The following FAM171A2 variants were observed in gnomAD, a reference collection of about 807,000 sequenced individuals.
FAM171A2 encodes the protein protein FAM171A2.
FAM171A2 carries 13 observed loss-of-function variants against 34.2 expected under a neutral mutation model. The observed-to-expected ratio is 0.38, with a 90% confidence interval of 0.25 to 0.60. FAM171A2 has a LOEUF of 0.60. Among genes scored for constraint, FAM171A2 ranks in the 20% least tolerant of loss-of-function variants. The pLI, the probability that FAM171A2 is intolerant of heterozygous loss-of-function variation, is 0.62. For missense variants in FAM171A2, 950 were observed against 1,180.7 expected, an observed-to-expected ratio of 0.80 and a Z score of 2.86; for synonymous variants, 475 against 561.2, an observed-to-expected ratio of 0.85 and a Z score of 2.17.
chr17:44,361,348 G>T (rs896242889), intron 1 of FAM171A2, among the ~76,000 whole-genome samples: 3 of 152,212 alleles, frequency 2.0e-5, no homozygotes, highest in African/African-American at 4.8e-5. Context: ...CTCAGTGGGG[G>T]GCCCAGGAGA....
In FAM171A2 at chr17:44,359,613, A is replaced by G. The variant is rs530483235; in HGVS notation, c.405T>C (p.Tyr135=). 9.7e-6 allele frequency: 15 copies of G among 1,551,206 alleles called. 1 individual carries two copies. The South Asian group carries it at 1.4e-4, about 15-fold the overall frequency. Reference sequence around the variant, plus strand: ...CTAGGAGAATGTGCACCAGGTCCTCATAGAGGATGAGCGTGGCCGGCCGCT... The same window carrying G: ...CTAGGAGAATGTGCACCAGGTCCTCGTAGAGGATGAGCGTGGCCGGCCGCT... ...LPERPATLIL[Y]EDLVHILLGS... The change falls in exon 3 of 8, where the codon TAT becomes TAC. Residue 135 remains tyrosine (Y), a synonymous_variant. Coordinates refer to ENST00000293443, the MANE Select transcript of FAM171A2 (RefSeq NM_198475.3).
chr17:44,356,769 G>A (rs1423077816), intron 3 of FAM171A2, among the ~76,000 whole-genome samples, 181 bp from the exon 4 acceptor site: 1 of 152,216 alleles, frequency 6.6e-6, no homozygotes, highest in Admixed American at 6.5e-5. Context: ...GAAGGGACAT[G>A]GACCTGAAAT....
intron 3 of FAM171A2, chr17:44,359,032 T>G: frequency 6.5e-6 from 1 of 154,760 alleles, no homozygotes; most frequent in Non-Finnish European, 1.4e-5. Context: ...CTGGAACTAT[T>G]TCAGGGCTTG....
Position 44,354,276 on chromosome 17 carries a change from G to A in FAM171A2, c.1938C>T (p.Gly646=). The A allele has an allele frequency of 2.8e-6, 4 of 1,452,108 alleles. No homozygotes were observed. Among genetic ancestry groups the A allele is most frequent in the Admixed American group, 2.6e-5 (1 of 37,744 alleles). 90.0% of individuals were successfully genotyped at this position (1,452,108 alleles called of 1,614,324 possible). A position where few individuals can be genotyped will look rare whatever the true frequency, so the allele number is the denominator to read the frequency against. Residue 646 remains glycine (G), a synonymous_variant, in exon 8 of 8, where the codon GGC becomes GGT. Coordinates refer to ENST00000293443, the MANE Select transcript of FAM171A2 (RefSeq NM_198475.3). The surrounding 1 kb of genome is among the most constrained non-coding windows in gnomAD (Gnocchi z 5.8). ...ALTEKKLLEL[G]VKPHPRAWFV... ...ACCAGGCGCGCGGGTGCGGCTTCAC[G>A]CCCAGTTCCAGCAGCTTCTTCTCGG...
chr17:44,356,595 G>A lies in FAM171A2; in HGVS notation c.440-7C>T. Reference sequence around the variant, plus strand: ...AAGGGCTGGGAGCGGGCACCTGGAGGGAAAGAGGGGCTGCAGTGGCTTGAC... The same window carrying A: ...AAGGGCTGGGAGCGGGCACCTGGAGAGAAAGAGGGGCTGCAGTGGCTTGAC... On this transcript the variant is annotated splice_polypyrimidine_tract_variant and splice_region_variant and intron_variant, in intron 3 of 7. Coordinates refer to ENST00000293443, the MANE Select transcript of FAM171A2 (RefSeq NM_198475.3). 1 of 1,537,240 alleles carries A rather than the reference G, an allele frequency of 6.5e-7. No individual in the cohort carries two copies. Among genetic ancestry groups the A allele is most frequent in the South Asian group, 1.2e-5 (1 of 82,818 alleles).
intron 1 of FAM171A2, among the ~76,000 whole-genome samples, chr17:44,362,260 C>T (rs879727061): frequency 6.6e-6 from 1 of 152,116 alleles, no homozygotes; most frequent in Non-Finnish European, 1.5e-5. Context: ...GGAGGGGCGT[C>T]CTAAGAAACT....
In FAM171A2 at chr17:44,359,865, T is replaced by TCAGCTGCTGTCCCCCC. The variant is rs1418679712; in HGVS notation, c.346+24_346+39dup. ...ATTTTGGGAAGGGGCTGATGGAGGG[T>TCAGCTGCTGTCCCCCC]CAGCTGCTGTCCCCCCCCTCCACCT... On this transcript the variant is annotated intron_variant, in intron 2 of 7. Transcript: ENST00000293443. 4 of 1,481,362 alleles carry TCAGCTGCTGTCCCCCC rather than the reference T, an allele frequency of 2.7e-6. No homozygotes were observed. The East Asian group carries it at 1.0e-4, about 37-fold the overall frequency. The allele number at this position is 1,481,362 out of a possible 1,614,324, so 91.8% of individuals were successfully genotyped here. A position where few individuals can be genotyped will look rare whatever the true frequency, so the allele number is the denominator to read the frequency against.
In FAM171A2 at chr17:44,354,905, C is replaced by T. The variant is rs2143365597; in HGVS notation, c.1309G>A (p.Glu437Lys). Residue 437 changes from glutamate to lysine, a missense_variant, in exon 8 of 8, where the codon GAG (glutamate) becomes AAG (lysine). Transcript: ENST00000293443. This position sits in a 1 kb window ranked among gnomAD's most constrained non-coding sequence, Gnocchi z 5.8. ...AAEPSGARGGESAGLKGARSA... is the reference protein window; with the variant it reads ...AAEPSGARGGKSAGLKGARSA... ...CGAGCGCCCTTGAGCCCGGCGCTCT[C>T]GCCCCCGCGGGCACCCGAAGGCTCG... 2 of 1,399,178 alleles carry T rather than the reference C, an allele frequency of 1.4e-6. No individual in the cohort carries two copies. The highest frequency in any genetic ancestry group is 1.6e-5 in the South Asian group (1 of 64,412). The allele number at this position is 1,399,178 out of a possible 1,614,324, so 86.7% of individuals were successfully genotyped here. A position where few individuals can be genotyped will look rare whatever the true frequency, so the allele number is the denominator to read the frequency against.
At position 44,353,559 on chromosome 17, in the gene FAM171A2, CAG is replaced by C. The variant is rs1414106934; in HGVS notation, c.*172_*173del. ...CTCCTCCCCGGCTTGGAGGCAGACACAGGGTCCCTTGCAAGACACGACCCAGC... is the reference window on the plus strand; with the variant it reads ...CTCCTCCCCGGCTTGGAGGCAGACACGGTCCCTTGCAAGACACGACCCAGC... On this transcript the variant is annotated 3_prime_UTR_variant, in exon 8 of 8. Transcript: ENST00000293443. The C allele has an allele frequency of 7.6e-6, 3 of 395,248 alleles. No homozygotes were observed. The highest frequency in any genetic ancestry group is 5.4e-5 in the East Asian group (1 of 18,610). 24.5% of individuals were successfully genotyped at this position (395,248 alleles called of 1,614,324 possible). A position where few individuals can be genotyped will look rare whatever the true frequency, so the allele number is the denominator to read the frequency against.
chr17:44,353,223 A>G lies in FAM171A2; in HGVS notation c.*510T>C. ...GAAAGACATACACAGCCTTAACCTC[A>G]CCAGTTTTATATTTGCTGCTGCCCA... On this transcript the variant is annotated 3_prime_UTR_variant, in exon 8 of 8. Transcript: ENST00000293443. 1 of 290,572 alleles carries G rather than the reference A, an allele frequency of 3.4e-6. No individual in the cohort carries two copies. Among genetic ancestry groups the G allele is most frequent in the South Asian group, 3.8e-5 (1 of 26,106 alleles). 18.0% of individuals were successfully genotyped at this position (290,572 alleles called of 1,614,324 possible).
At position 44,354,051 on chromosome 17, in the gene FAM171A2, GGGCGCGGGCGGCGGCGGC is replaced by G; in HGVS notation, c.2145_2162del (p.Pro717_Pro722del). 2 of 1,143,038 alleles carry G rather than the reference GGGCGCGGGCGGCGGCGGC, an allele frequency of 1.7e-6. No homozygotes were observed. The highest frequency in any genetic ancestry group is 2.1e-6 in the Non-Finnish European group (2 of 931,756). 70.8% of individuals were successfully genotyped at this position (1,143,038 alleles called of 1,614,324 possible). On this transcript the variant is annotated inframe_deletion, in exon 8 of 8. Coordinates refer to ENST00000293443, the MANE Select transcript of FAM171A2 (RefSeq NM_198475.3). This position sits in a 1 kb window ranked among gnomAD's most constrained non-coding sequence, Gnocchi z 5.8. ...TGTCCTCGCTGAGCGCCAGGCGCGG[GGGCGCGGGCGGCGGCGGC>G]GGCGCGGCAGGCGGGGCGCGCTCCC...
intron 1 of FAM171A2, among the ~76,000 whole-genome samples, chr17:44,363,305 C>T (rs1480105537): frequency 1.3e-5 from 2 of 152,288 alleles, no homozygotes; most frequent in South Asian, 2.1e-4. Context: ...GCAGCAGCGC[C>T]TCGCGGACCA....
chr17:44,355,039 G>T lies in FAM171A2; in HGVS notation c.1175C>A (p.Ala392Asp), dbSNP rs2048415552. The T allele has an allele frequency of 3.9e-6, 6 of 1,538,394 alleles. No individual in the cohort carries two copies. The highest frequency in any genetic ancestry group is 5.3e-6 in the Non-Finnish European group (6 of 1,141,764). ...CGAGTGGAGGGGGCCTGGAGGCGGAGCCTCGGGGTCCCCCGACGGGGCGGG... is the reference window on the plus strand; with the variant it reads ...CGAGTGGAGGGGGCCTGGAGGCGGATCCTCGGGGTCCCCCGACGGGGCGGG... Reference protein sequence around the residue: ...LEPAPSGDPEAPPPGPLHSAF... With the variant: ...LEPAPSGDPEDPPPGPLHSAF... Residue 392 changes from alanine to aspartate, a missense_variant, in exon 8 of 8, where the codon GCT (alanine) becomes GAT (aspartate). By Grantham distance (126) the Ala-to-Asp change is moderately radical. Around this residue, in one of 3 missense-constraint regions of FAM171A2, gnomAD observed 752 missense variants for 924.5 expected, o/e 0.81. Transcript: ENST00000293443. The surrounding 1 kb of genome is among the most constrained non-coding windows in gnomAD (Gnocchi z 4.1).
intron 5 of FAM171A2, 38 bp from the exon 6 acceptor site, chr17:44,356,112 C>G: frequency 6.6e-7 from 1 of 1,522,844 alleles, no homozygotes; most frequent in Non-Finnish European, 8.9e-7. Flanking sequence ...TTGAGTCGCT[C>G]CCACTCAAGT....
At chr17:44,360,974 C>T (rs2048445524) in intron 1 of FAM171A2, among the ~76,000 whole-genome samples, 1 of 152,242 alleles carries the variant, frequency 6.6e-6, no homozygotes, top group South Asian at 2.1e-4. Flanking sequence ...ATGGCAACGC[C>T]CTCATTCCTC....
At position 44,353,694 on chromosome 17, in the gene FAM171A2, G is replaced by C; in HGVS notation, c.*39C>G. The C allele has an allele frequency of 7.9e-7, 1 of 1,268,814 alleles. No homozygotes were observed. The highest frequency in any genetic ancestry group is 9.9e-7 in the Non-Finnish European group (1 of 1,009,586). 78.6% of individuals were successfully genotyped at this position (1,268,814 alleles called of 1,614,324 possible). Reference sequence around the variant, plus strand: ...CCCGGGGCGCGCACCCTGGGTGCGGGCCCGCGCGGGAGGGGCGGTGCCAGG... The same window carrying C: ...CCCGGGGCGCGCACCCTGGGTGCGGCCCCGCGCGGGAGGGGCGGTGCCAGG... On this transcript the variant is annotated 3_prime_UTR_variant, in exon 8 of 8. Transcript: ENST00000293443.
At position 44,361,547 on chromosome 17, in the gene FAM171A2, C is replaced by T. The variant is rs568548221; in HGVS notation, c.119-1415G>A. 6.6e-5 allele frequency among the ~76,000 whole-genome samples: 10 copies of T among 152,124 alleles called. No individual in the cohort carries two copies. In the South Asian group the frequency reaches 1.2e-3, roughly 19 times the overall value. On this transcript the variant is annotated intron_variant, in intron 1 of 7. Coordinates refer to ENST00000293443, the MANE Select transcript of FAM171A2 (RefSeq NM_198475.3). ...GGTGTCTTAGCTCAGGCTCCCAATC[C>T]GCAGCCAGCGCCACGCCTGCCCTAG...
Position 44,353,952 on chromosome 17 carries a change from G to T in FAM171A2, c.2262C>A (p.Asp754Glu). Reference sequence around the variant, plus strand: ...CCCGGCCCTCGGGCGCCGCCACCTCGTCCAGCAGCGGCGTCAGCGAGTTGT... The same window carrying T: ...CCCGGCCCTCGGGCGCCGCCACCTCTTCCAGCAGCGGCGTCAGCGAGTTGT... ...PEDNSLTPLL[D>E]EVAAPEGRAA... The change falls in exon 8 of 8, where the codon GAC (aspartate) becomes GAA (glutamate). Residue 754 changes from aspartate to glutamate, a missense_variant. By Grantham distance (45) the Asp-to-Glu change is conservative. Coordinates refer to ENST00000293443, the MANE Select transcript of FAM171A2 (RefSeq NM_198475.3). 2 of 1,295,204 alleles carry T rather than the reference G, an allele frequency of 1.5e-6. No homozygotes were observed. The highest frequency in any genetic ancestry group is 1.9e-6 in the Non-Finnish European group (2 of 1,026,034). 80.2% of individuals were successfully genotyped at this position (1,295,204 alleles called of 1,614,324 possible).
intron 1 of FAM171A2, among the ~76,000 whole-genome samples, chr17:44,360,908 T>G (rs967473007): frequency 2.6e-5 from 4 of 152,106 alleles, no homozygotes; most frequent in Non-Finnish European, 4.4e-5. Flanking sequence ...TTCTGCCTCC[T>G]CCCCCTCACA....
Sources: allele counts gnomAD v4.1 joint callset (sites outside exome capture counted in the v4.1 genomes callset), GRCh38; gene constraint gnomAD v4.1.1; regional missense constraint gnomAD v4.1.1; non-coding constraint Gnocchi (gnomAD v3.1); transcripts MANE v1.5; gene names NCBI Gene and HGNC (gene_info 2026-07-23, HGNC 2026-07-21).